DMD: variants seen among roughly 807,000 people sequenced by gnomAD.
DMD encodes dystrophin.
DMD carries 63 observed loss-of-function variants against 330.1 expected under a neutral mutation model. That is an observed-to-expected ratio of 0.19 (90% CI 0.16 to 0.24). DMD has a LOEUF of 0.24. DMD is among the 10% of genes least tolerant of loss of function. DMD has a pLI of 1.00. For synonymous variants in DMD, 1,223 were observed against 959.8 expected, an observed-to-expected ratio of 1.27 and a Z score of -5.07; for missense variants, 3,344 against 2,684.1, an observed-to-expected ratio of 1.25 and a Z score of -5.43.
chrX:32,631,907 G>T (rs1394344826), intron 11 of DMD, among the ~76,000 whole-genome samples: 3 of 110,637 alleles, frequency 2.7e-5, no homozygotes, highest in African/African-American at 9.9e-5. Flanking sequence ...TTCCATCCTG[G>T]CCCCTCCCAA....
At chrX:32,109,322 T>C (rs2096578832) in intron 44 of DMD, among the ~76,000 whole-genome samples, 1 of 110,915 alleles carries the variant, frequency 9.0e-6, no homozygotes, top group Non-Finnish European at 1.9e-5. Flanking sequence ...AAAGTCTATA[T>C]AGACAAGGGG....
At chrX:32,825,195 A>T (rs2078600534) in intron 4 of DMD, among the ~76,000 whole-genome samples, 1 of 111,847 alleles carries the variant, frequency 8.9e-6, no homozygotes, top group African/African-American at 3.2e-5. Flanking sequence ...ACTCACTCAT[A>T]CTGCGGGAAG....
rs757483883 is a variant in DMD, at chrX:32,679,334, T to C, written c.960+18536A>G. Among the ~76,000 whole-genome samples the C allele has an allele frequency of 3.7e-5, 4 of 109,408 alleles. No homozygotes were observed. The South Asian group carries it at 1.5e-3, about 41-fold the overall frequency. ...AATAGAAAATAGTAACAACGAGGTT[T>C]TGGTTTTTTTTTTTGTGAAAAGATA... On this transcript the variant is annotated intron_variant, in intron 9 of 78. Coordinates refer to ENST00000357033, the MANE Select transcript of DMD (RefSeq NM_004006.3).
Position 32,096,809 on chromosome X carries a change from C to T in DMD, c.6438+120107G>A, listed in dbSNP as rs191694266. Among the ~76,000 whole-genome samples, 21 of 111,488 alleles carry T rather than the reference C, an allele frequency of 1.9e-4. No homozygotes were observed. In the East Asian group the frequency reaches 4.3e-3, roughly 23 times the overall value. ...GCGAGTCAACCATCATTAAGACAAG[C>T]GGATTTTTCGGAGACTTTAGCATGA... is the stretch of plus-strand genomic sequence containing the variant. On this transcript the variant is annotated intron_variant, in intron 44 of 78. Transcript: ENST00000357033.
intron 1 of DMD, among the ~76,000 whole-genome samples, chrX:33,083,034 T>C (rs1379872756): frequency 9.0e-6 from 1 of 111,381 alleles, no homozygotes; most frequent in Non-Finnish European, 1.9e-5. Flanking sequence ...TATTTAACAA[T>C]GCAGAGAAAG....
intron 1 of DMD, among the ~76,000 whole-genome samples, chrX:33,237,882 C>T (rs1039361148): frequency 3.6e-5 from 4 of 111,962 alleles, no homozygotes; most frequent in Non-Finnish European, 5.6e-5. Flanking sequence ...CACCCATATA[C>T]GTGCACAACA....
At chrX:32,304,647 G>A (rs746932038) in intron 42 of DMD, among the ~76,000 whole-genome samples, 1 of 110,968 alleles carries the variant, frequency 9.0e-6, no homozygotes, top group East Asian at 2.8e-4. Context: ...TACAGTTAAT[G>A]ATTAATATTT....
intron 41 of DMD, among the ~76,000 whole-genome samples, chrX:32,310,997 A>G (rs2097560185): frequency 9.0e-6 from 1 of 111,003 alleles, no homozygotes; most frequent in Non-Finnish European, 1.9e-5. Context: ...AGTGCTAGAC[A>G]TGATGAGAAT....
At chrX:32,156,943 A>G (rs1156255406) in intron 44 of DMD, among the ~76,000 whole-genome samples, 1 of 111,553 alleles carries the variant, frequency 9.0e-6, no homozygotes, top group Non-Finnish European at 1.9e-5. Context: ...CCTGGAAGCA[A>G]TCTCCGCCAA....
rs1201117892 is a variant in DMD at position 32,627,149 on chromosome X, C to G, written c.1332-12696G>C. ...TGAGAACGATTGTGCCTCTTCCCCG[C>G]CCCCCCCCCCGCCCCAGGACACAGC... On this transcript the variant is annotated intron_variant, in intron 11 of 78. Coordinates refer to ENST00000357033, the MANE Select transcript of DMD (RefSeq NM_004006.3). Among the ~76,000 whole-genome samples, 3 of 21,258 alleles carry G rather than the reference C, an allele frequency of 1.4e-4. 1 individual carries two copies. The African/African-American group carries it at 1.8e-3, about 13-fold the overall frequency. 18.5% of individuals were successfully genotyped at this position (21,258 alleles called of 115,157 possible). A position where few individuals can be genotyped will look rare whatever the true frequency, so the allele number is the denominator to read the frequency against.
At chrX:31,399,582 C>T (rs2061095081) in intron 60 of DMD, among the ~76,000 whole-genome samples, 1 of 111,055 alleles carries the variant, frequency 9.0e-6, no homozygotes, top group East Asian at 2.9e-4. Context: ...CTCTTCTGCC[C>T]AGAATTTCCC....
chrX:31,836,894 TG>T (rs1256955446), intron 48 of DMD, 75 bp from the exon 49 acceptor site: 1 of 871,988 alleles, frequency 1.1e-6, no homozygotes, highest in African/African-American at 2.0e-5. Context: ...AATATACCCT[TG>T]GAGACTCCAC....
chrX:33,196,357 C>T (rs137943938), intron 1 of DMD, among the ~76,000 whole-genome samples: 1,125 of 111,148 alleles, frequency 0.01, 13 homozygotes, highest in African/African-American at 0.035. Flanking sequence ...AGACCTTGTA[C>T]GTTAGGACCT....
At chrX:32,728,807 G>T (rs1171661441) in intron 7 of DMD, among the ~76,000 whole-genome samples, 1 of 111,677 alleles carries the variant, frequency 9.0e-6, no homozygotes, top group African/African-American at 3.3e-5. Flanking sequence ...TTCCTTAATT[G>T]TTTAATTTTC....
At chrX:31,798,780 CA>C (rs2091940215) in intron 50 of DMD, among the ~76,000 whole-genome samples, 3 of 111,217 alleles carry the variant, frequency 2.7e-5, no homozygotes, top group Non-Finnish European at 5.7e-5. Context: ...GGCAGTAAAG[CA>C]AAACAGAGCC....
At chrX:31,989,586 T>C (rs888584558) in intron 44 of DMD, among the ~76,000 whole-genome samples, 1 of 110,871 alleles carries the variant, frequency 9.0e-6, no homozygotes, top group Non-Finnish European at 1.9e-5. Context: ...AAATTGTCTT[T>C]GTGCTTTCTG....
intron 44 of DMD, among the ~76,000 whole-genome samples, chrX:32,030,557 T>C (rs2095875555): frequency 8.9e-6 from 1 of 112,131 alleles, no homozygotes; most frequent in South Asian, 3.7e-4. Flanking sequence ...ATGTGAATCT[T>C]ACACTTCAAG....
At chrX:32,009,826 T>C (rs1163306276) in intron 44 of DMD, among the ~76,000 whole-genome samples, 2 of 111,862 alleles carry the variant, frequency 1.8e-5, no homozygotes, top group Non-Finnish European at 3.8e-5. Context: ...AGGTCACATA[T>C]ATTTATTTTA....
Position 31,121,524 on chromosome X carries a change from CTTTCTTTA to C in DMD, c.*387_*394del. 1 of 205,661 alleles carries C rather than the reference CTTTCTTTA, an allele frequency of 4.9e-6. No homozygotes were observed. The highest frequency in any genetic ancestry group is 8.8e-6 in the Non-Finnish European group (1 of 113,409). The allele number at this position is 205,661 out of a possible 1,213,427, so 16.9% of individuals were successfully genotyped here. A position where few individuals can be genotyped will look rare whatever the true frequency, so the allele number is the denominator to read the frequency against. On this transcript the variant is annotated 3_prime_UTR_variant, in exon 79 of 79. Coordinates refer to ENST00000357033, the MANE Select transcript of DMD (RefSeq NM_004006.3). Reference sequence around the variant, plus strand: ...TATAAAGCACACTTTAGTTTACAATCTTTCTTTATAACTGTTATAAATTTTTAAACAAC... The same window carrying C: ...TATAAAGCACACTTTAGTTTACAATCTAACTGTTATAAATTTTTAAACAAC...
Sources: gnomAD v4.1 joint callset for allele counts (sites outside exome capture counted in the v4.1 genomes callset) on GRCh38, gnomAD v4.1.1 for gene constraint, MANE v1.5 for transcripts, NCBI Gene and HGNC (gene_info 2026-07-23, HGNC 2026-07-21) for gene names.